Variants in ACTG2 observed in about 807,000 individuals in gnomAD.
ACTG2 encodes actin gamma 2, smooth muscle, also known as actin, gamma-enteric smooth muscle.
In ACTG2, 16 loss-of-function variants were observed where a neutral mutation model predicts 37.6. The ratio of observed to expected loss-of-function variants is 0.43; its 90% CI spans 0.29 to 0.65. The LOEUF (loss-of-function observed/expected upper bound fraction) is 0.65. Among genes scored for constraint, ACTG2 ranks in the 30% least tolerant of loss-of-function variants. ACTG2 has a pLI of 0.18. For missense variants in ACTG2, 238 were observed against 490.9 expected (o/e 0.48, Z 4.87); for synonymous variants, 181 against 179.9 (o/e 1.01, Z -0.05).
chr2:73,898,366 T>TTTTTTTTTTTTTTTTTTTTTGAGACG (rs1481747110), intron 1 of ACTG2, among the ~76,000 whole-genome samples: 1 of 143,882 alleles, frequency 7.0e-6, no homozygotes, highest in Non-Finnish European at 1.5e-5. Flanking sequence ...CCTTTTCTAT[T>TTTTTTTTTTTTTTTTTTTTTGAGACG]GTATTAAATA....
At chr2:73,918,558 T>C (rs919685882) in intron 8 of ACTG2, among the ~76,000 whole-genome samples, 1 of 152,258 alleles carries the variant, frequency 6.6e-6, no homozygotes, top group Admixed American at 6.5e-5. Flanking sequence ...GCTCTAGCAC[T>C]GAATTCTTAG....
intron 7 of ACTG2, among the ~76,000 whole-genome samples, chr2:73,915,586 C>T (rs1213719625): frequency 6.6e-6 from 1 of 151,238 alleles, no homozygotes; most frequent in East Asian, 1.9e-4. Flanking sequence ...GTTTGGCGTG[C>T]AGGACCTTTT....
At chr2:73,904,777 GTATATATATATATATATATATA>G (rs199782884) in intron 3 of ACTG2, among the ~76,000 whole-genome samples, 1,095 of 42,624 alleles carry the variant, frequency 0.026, 7 homozygotes, top group Middle Eastern at 0.033. Context: ...GTGTGTGTGT[GTATATATATATATATATATATA>G]TATATATATA....
At chr2:73,900,420 G>A (rs981968100) in intron 1 of ACTG2, among the ~76,000 whole-genome samples, 1 of 152,250 alleles carries the variant, frequency 6.6e-6, no homozygotes, top group Non-Finnish European at 1.5e-5. Context: ...GGCAGAAAAA[G>A]AGAAAGAAAG....
chr2:73,904,248 CAAAAAAAAAAAAA>C lies in ACTG2; in HGVS notation c.255+1772_255+1784del, dbSNP rs61261289. On this transcript the variant is annotated intron_variant, in intron 3 of 8. Transcript: ENST00000345517. The stretch of plus-strand genomic sequence containing the variant: ...TGGGTGATAGAGTGAGACCATGTCT[CAAAAAAAAAAAAA>C]AAAAAAAAAAAGAAAGGAAGGAAGG... Among the ~76,000 whole-genome samples, 143 of 65,230 alleles carry C rather than the reference CAAAAAAAAAAAAA, an allele frequency of 2.2e-3. 2 individuals are homozygous for C. Among genetic ancestry groups the C allele is most frequent in the African/African-American group, 8.9e-3 (132 of 14,812 alleles). 42.8% of individuals were successfully genotyped at this position (65,230 alleles called of 152,430 possible).
chr2:73,904,463 G>A (rs1033639198), intron 3 of ACTG2, among the ~76,000 whole-genome samples: 10 of 151,654 alleles, frequency 6.6e-5, no homozygotes, highest in African/African-American at 2.4e-4. Context: ...CTTGAGTCCA[G>A]CCTGGCCAAC....
At chr2:73,917,791 G>A (rs1440134815) in intron 8 of ACTG2, among the ~76,000 whole-genome samples, 1 of 152,164 alleles carries the variant, frequency 6.6e-6, no homozygotes, top group Non-Finnish European at 1.5e-5. Flanking sequence ...GAGAACCTGT[G>A]GGCTCTTCTC....
At chr2:73,901,173 G>T (rs1679862960) in intron 1 of ACTG2, 103 bp from the exon 2 acceptor site, 1 of 950,834 alleles carries the variant, frequency 1.1e-6, no homozygotes, top group South Asian at 2.0e-5. Flanking sequence ...CCTCCTGGAA[G>T]TGTGCCCTGA....
chr2:73,902,243 G>A, intron 2 of ACTG2, 117 bp from the exon 3 acceptor site: 2 of 1,230,248 alleles, frequency 1.6e-6, no homozygotes, highest in Non-Finnish European at 2.3e-6. Flanking sequence ...CCTGTTTCTG[G>A]GGGAAGAAAG....
chr2:73,903,713 G>A (rs974745391), intron 3 of ACTG2, among the ~76,000 whole-genome samples: 3 of 151,832 alleles, frequency 2.0e-5, no homozygotes, highest in Admixed American at 2.0e-4. Flanking sequence ...AGACCGAGGC[G>A]GGTGGATCAC....
chr2:73,893,597 A>G (rs763047311), intron 1 of ACTG2, among the ~76,000 whole-genome samples: 2 of 152,172 alleles, frequency 1.3e-5, no homozygotes, highest in Admixed American at 6.5e-5. Flanking sequence ...GGGTTTCTGC[A>G]GTCCTTGAAG....
intron 7 of ACTG2, 87 bp downstream of exon 7, chr2:73,914,958 A>C: frequency 8.4e-7 from 1 of 1,196,564 alleles, no homozygotes; most frequent in South Asian, 3.1e-5. Context: ...ACCAGGAGTC[A>C]TGGCCACTTT....
chr2:73,913,332 T>TA (rs1036178999), intron 5 of ACTG2, among the ~76,000 whole-genome samples, 153 bp from the exon 6 acceptor site: 1 of 152,020 alleles, frequency 6.6e-6, no homozygotes, highest in Non-Finnish European at 1.5e-5. Context: ...ACATAAAAAA[T>TA]AAAAAATATG....
intron 5 of ACTG2, among the ~76,000 whole-genome samples, chr2:73,911,366 T>C (rs1426653640): frequency 6.6e-6 from 1 of 151,892 alleles, no homozygotes; most frequent in Non-Finnish European, 1.5e-5. Flanking sequence ...CATTGGTAGC[T>C]CACGCCTGTA....
intron 5 of ACTG2, among the ~76,000 whole-genome samples, chr2:73,911,556 T>G (rs1680140554): frequency 6.6e-6 from 1 of 152,202 alleles, no homozygotes; most frequent in Admixed American, 6.5e-5. Flanking sequence ...TTGTTTATTA[T>G]CATTTTCAAG....
chr2:73,906,469 T>A (rs889596589), intron 3 of ACTG2, among the ~76,000 whole-genome samples: 35 of 134,894 alleles, frequency 2.6e-4, no homozygotes, highest in African/African-American at 8.0e-4. Context: ...AAATAAAAAA[T>A]AAATAAATAA....
Position 73,919,626 on chromosome 2 carries a change from C to T in ACTG2, c.*51C>T, listed in dbSNP as rs765302030. ...CCCTCGAGACTACTCTGTTACCAGTCATGAAACATTAAAACCTACAAGCCT... is the reference window on the plus strand; with the variant it reads ...CCCTCGAGACTACTCTGTTACCAGTTATGAAACATTAAAACCTACAAGCCT... On this transcript the variant is annotated 3_prime_UTR_variant, in exon 9 of 9. Coordinates refer to ENST00000345517, the MANE Select transcript of ACTG2 (RefSeq NM_001615.4). The T allele has an allele frequency of 8.8e-6, 14 of 1,583,118 alleles. No individual in the cohort carries two copies. Among genetic ancestry groups the T allele is most frequent in the Admixed American group, 1.8e-5 (1 of 55,898 alleles).
At chr2:73,901,243 G>C in intron 1 of ACTG2, 33 bp from the exon 2 acceptor site, 7 of 1,453,740 alleles carry the variant, frequency 4.8e-6, no homozygotes, top group Non-Finnish European at 6.4e-6. Flanking sequence ...TTGACAAGTG[G>C]CTGACTAGTT....
Position 73,916,713 on chromosome 2 carries a change from A to C in ACTG2, c.935A>C (p.Asp312Ala). 6.2e-7 allele frequency: 1 copy of C among 1,614,124 alleles called. No homozygotes were observed. Among genetic ancestry groups the C allele is most frequent in the Non-Finnish European group, 8.5e-7 (1 of 1,180,000 alleles). ...ACCACCATGTACCCTGGCATTGCTG[A>C]CAGGATGCAGAAGGAGATCACAGCC... is the stretch of plus-strand genomic sequence containing the variant. ...GGTTMYPGIA[D>A]RMQKEITALA... Residue 312 changes from aspartate to alanine, a missense_variant, in exon 8 of 9, where the codon GAC becomes GCC. Physicochemically the swap from Asp to Ala is moderately radical, Grantham distance 126. Coordinates refer to ENST00000345517, the MANE Select transcript of ACTG2 (RefSeq NM_001615.4).
Sources: gnomAD v4.1 joint callset for allele counts (sites outside exome capture counted in the v4.1 genomes callset) on GRCh38, gnomAD v4.1.1 for gene constraint, MANE v1.5 for transcripts, NCBI Gene and HGNC (gene_info 2026-07-23, HGNC 2026-07-21) for gene names.